CA5A: variants seen among roughly 807,000 people sequenced by gnomAD.
CA5A encodes carbonic anhydrase 5A, mitochondrial.
A neutral mutation model predicts 37.1 loss-of-function variants in CA5A; 28 were observed. The ratio of observed to expected loss-of-function variants is 0.75; its 90% confidence interval spans 0.56 to 1.03. The LOEUF (loss-of-function observed/expected upper bound fraction) is 1.03, where lower values mean the gene tolerates loss of function less well. Among genes scored for constraint, CA5A ranks in the 50% least tolerant of loss-of-function variants. The probability of loss-of-function intolerance (pLI) is 0.00; values close to 1 mark genes in which losing one functional copy is unlikely to be tolerated. For missense variants in CA5A, 444 were observed against 399.9 expected, an observed-to-expected ratio of 1.11 and a Z score of -0.94; for synonymous variants, 171 against 158.4, an observed-to-expected ratio of 1.08 and a Z score of -0.60.
chr16:87,892,843 A>G (rs2055742800), intron 5 of CA5A: 2 of 340,534 alleles, frequency 5.9e-6, no homozygotes, highest in Non-Finnish European at 1.1e-5. Flanking sequence ...TTTAGTAGAG[A>G]CAGGGTCTCA....
intron 1 of CA5A, among the ~76,000 whole-genome samples, chr16:87,927,791 G>A (rs187338341): frequency 2.6e-5 from 4 of 151,252 alleles, no homozygotes; most frequent in Non-Finnish European, 4.4e-5. Flanking sequence ...AACCCAGGAG[G>A]CAGAGGTGGT....
At chr16:87,919,157 C>T (rs2056196003) in intron 2 of CA5A, among the ~76,000 whole-genome samples, 3 of 152,166 alleles carry the variant, frequency 2.0e-5, no homozygotes, top group South Asian at 4.1e-4. Flanking sequence ...AGGTCAGAGG[C>T]TGACGCTGGG....
rs566658559 is a variant in CA5A, at chr16:87,925,892, T to C, written c.340+856A>G. On this transcript the variant is annotated intron_variant, in intron 2 of 6. Transcript: ENST00000649794. Reference sequence around the variant, plus strand: ...CCCCTGCTCCCCTCCAGCCGCCTGCTCAGTCTGTCCTCACAGCAGCTGTGG... The same window carrying C: ...CCCCTGCTCCCCTCCAGCCGCCTGCCCAGTCTGTCCTCACAGCAGCTGTGG... Among the ~76,000 whole-genome samples the C allele has an allele frequency of 7.9e-5, 12 of 151,962 alleles. No individual in the cohort carries two copies. The South Asian group carries it at 2.5e-3, about 31-fold the overall frequency.
chr16:87,932,487 C>T lies in CA5A; in HGVS notation c.142+3822G>A, dbSNP rs1223971090. Among the ~76,000 whole-genome samples, 12 of 152,288 alleles carry T rather than the reference C, an allele frequency of 7.9e-5. No homozygotes were observed. The South Asian group carries it at 2.1e-3, about 26-fold the overall frequency. On this transcript the variant is annotated intron_variant, in intron 1 of 6. Coordinates refer to ENST00000649794, the MANE Select transcript of CA5A (RefSeq NM_001739.2). ...GGGCTCATTGCCACCTGCACGGAGG[C>T]GACGCCACCTGGATGCTGAATAGGC...
rs535296305 is a variant in CA5A, at chr16:87,934,165, C to G, written c.142+2144G>C. 2.0e-5 allele frequency among the ~76,000 whole-genome samples: 3 copies of G among 152,384 alleles called. No homozygotes were observed. The East Asian group carries it at 5.8e-4, about 29-fold the overall frequency. On this transcript the variant is annotated intron_variant, in intron 1 of 6. Transcript: ENST00000649794. ...CCTGGAGCCATGTGCTGTCCCCAGC[C>G]TTTGCAGGCCCCACCTCGGACCCTT...
At chr16:87,903,452 T>C (rs1299616053) in intron 3 of CA5A, among the ~76,000 whole-genome samples, 2 of 152,006 alleles carry the variant, frequency 1.3e-5, no homozygotes, top group Non-Finnish European at 1.5e-5. Context: ...AACAGATAAA[T>C]AAATAAATAA....
At chr16:87,912,163 G>C (rs1461948971) in intron 2 of CA5A, among the ~76,000 whole-genome samples, 1 of 152,194 alleles carries the variant, frequency 6.6e-6, no homozygotes, top group South Asian at 2.1e-4. Context: ...TTAGCTGGGC[G>C]TGGTGGCACG....
Position 87,903,118 on chromosome 16 carries a change from T to C in CA5A, c.460-598A>G, listed in dbSNP as rs1197291898. ...TTATTTTCTACTTCCTAGTTATCCT[T>C]GGACAAGAATTACCAGAAGAAACTC... On this transcript the variant is annotated intron_variant, in intron 3 of 6. Transcript: ENST00000649794. 5.9e-5 allele frequency among the ~76,000 whole-genome samples: 9 copies of C among 152,032 alleles called. No homozygotes were observed. In the South Asian group the frequency reaches 6.2e-4, roughly 11 times the overall value.
chr16:87,898,633 T>C (rs2055834843), intron 5 of CA5A, among the ~76,000 whole-genome samples: 1 of 152,164 alleles, frequency 6.6e-6, no homozygotes. Context: ...GTGTGAGTGT[T>C]GGCCACAGCT....
intron 1 of CA5A, among the ~76,000 whole-genome samples, chr16:87,933,831 G>A (rs1473870105): frequency 6.6e-6 from 1 of 152,166 alleles, no homozygotes; most frequent in Admixed American, 6.5e-5. Flanking sequence ...CACCGACATA[G>A]AAGGATGAAT....
intron 2 of CA5A, among the ~76,000 whole-genome samples, chr16:87,917,603 C>T (rs1472538173): frequency 1.3e-5 from 2 of 152,016 alleles, no homozygotes; most frequent in Non-Finnish European, 2.9e-5. Flanking sequence ...CACATGCACA[C>T]ACCACACATG....
chr16:87,909,983 C>T (rs1239853386), intron 2 of CA5A, among the ~76,000 whole-genome samples: 3 of 152,066 alleles, frequency 2.0e-5, no homozygotes, highest in East Asian at 1.9e-4. Context: ...TTGTAAAGTG[C>T]GGATGATCCT....
At chr16:87,929,789 G>A (rs904973138) in intron 1 of CA5A, among the ~76,000 whole-genome samples, 2 of 146,692 alleles carry the variant, frequency 1.4e-5, no homozygotes, top group South Asian at 2.2e-4. Flanking sequence ...GCAGAATGGC[G>A]TGAGCCCGGG....
At chr16:87,924,122 C>G in intron 2 of CA5A, 1 of 985,412 alleles carries the variant, frequency 1.0e-6, no homozygotes, top group South Asian at 4.7e-5. Context: ...TGGTTTGTGC[C>G]TCCCAAGATC....
At chr16:87,903,366 G>A (rs1244291887) in intron 3 of CA5A, among the ~76,000 whole-genome samples, 1 of 152,162 alleles carries the variant, frequency 6.6e-6, no homozygotes, top group Admixed American at 6.6e-5. Flanking sequence ...GGGCAGCAGA[G>A]GTTGCAGTGA....
chr16:87,903,431 T>C (rs1237915426), intron 3 of CA5A, among the ~76,000 whole-genome samples: 4 of 152,198 alleles, frequency 2.6e-5, no homozygotes, highest in African/African-American at 9.7e-5. Flanking sequence ...AGAGTGATAC[T>C]CAGTCTCAAA....
At chr16:87,904,978 T>C (rs2055938489) in intron 2 of CA5A, 74 bp from the exon 3 acceptor site, 1 of 903,172 alleles carries the variant, frequency 1.1e-6, no homozygotes, top group African/African-American at 1.6e-5. Flanking sequence ...TGAGGCATTG[T>C]CTACATTAGG....
intron 5 of CA5A, among the ~76,000 whole-genome samples, chr16:87,901,047 T>A (rs2055870677): frequency 6.6e-6 from 1 of 152,186 alleles, no homozygotes; most frequent in African/African-American, 2.4e-5. Flanking sequence ...CTGGCCAACA[T>A]GGTGAAACCC....
chr16:87,914,721 G>A (rs1041947558), intron 2 of CA5A, among the ~76,000 whole-genome samples: 3 of 152,150 alleles, frequency 2.0e-5, no homozygotes, highest in Non-Finnish European at 4.4e-5. Context: ...GGCGCAGGGC[G>A]GGAGCACCGG....
Sources: gnomAD v4.1 joint callset for allele counts (sites outside exome capture counted in the v4.1 genomes callset) on GRCh38, gnomAD v4.1.1 for gene constraint, MANE v1.5 for transcripts, NCBI Gene and HGNC (gene_info 2026-07-23, HGNC 2026-07-21) for gene names.